PTPRG: variants seen among roughly 807,000 people sequenced by gnomAD.
PTPRG encodes receptor-type tyrosine-protein phosphatase gamma.
PTPRG carries 102 observed loss-of-function variants against 165.3 expected under a neutral mutation model. The observed-to-expected ratio is 0.62, with a 90% confidence interval of 0.53 to 0.73. The LOEUF is 0.73. Ranked by LOEUF, PTPRG falls within the 30% of genes least tolerant of loss-of-function variation. The pLI is 0.00. For missense variants in PTPRG, 1,866 were observed against 1,861.4 expected, an observed-to-expected ratio of 1.00 and a Z score of -0.05; for synonymous variants, 675 against 669.5, an observed-to-expected ratio of 1.01 and a Z score of -0.13.
At chr3:61,952,206 C>A (rs1226026945) in intron 2 of PTPRG, among the ~76,000 whole-genome samples, 1 of 151,506 alleles carries the variant, frequency 6.6e-6, no homozygotes, top group Non-Finnish European at 1.5e-5. Context: ...TTTAGCAAAC[C>A]TGGGGCCCTG....
intron 4 of PTPRG, among the ~76,000 whole-genome samples, chr3:62,058,700 C>T (rs1221447403): frequency 6.6e-6 from 1 of 152,092 alleles, no homozygotes; most frequent in Admixed American, 6.6e-5. Flanking sequence ...CCCAAGTAGG[C>T]AGTAGGGACC....
At chr3:61,695,382 G>A (rs1216030136) in intron 1 of PTPRG, among the ~76,000 whole-genome samples, 1 of 152,184 alleles carries the variant, frequency 6.6e-6, no homozygotes, top group Non-Finnish European at 1.5e-5. Context: ...ATTGGCTTGA[G>A]GCTCCTGATG....
Position 61,746,533 on chromosome 3 carries a change from G to A in PTPRG, c.86-2345G>A, listed in dbSNP as rs941822552. 3.9e-5 allele frequency among the ~76,000 whole-genome samples: 6 copies of A among 152,104 alleles called. No individual in the cohort carries two copies. The South Asian group carries it at 6.2e-4, about 16-fold the overall frequency. ...CAGAATTGATTTTTTGGTCCCCCTG[G>A]CTTTGGTTCTAATTTTAAGGTCCTC... is the stretch of plus-strand genomic sequence containing the variant. On this transcript the variant is annotated intron_variant, in intron 1 of 29. Transcript: ENST00000474889.
chr3:62,261,327 G>C (rs1317706430), intron 16 of PTPRG, among the ~76,000 whole-genome samples: 3 of 152,198 alleles, frequency 2.0e-5, no homozygotes, highest in African/African-American at 4.8e-5. Flanking sequence ...TTATAAGGCA[G>C]TTTCAAAAGG....
chr3:61,929,661 T>G (rs953861344), intron 2 of PTPRG, among the ~76,000 whole-genome samples: 6 of 152,182 alleles, frequency 3.9e-5, no homozygotes, highest in Non-Finnish European at 2.9e-5. Flanking sequence ...ATTTGAAAAA[T>G]GAGCACAGGT....
chr3:62,025,634 TG>T (rs1244368934), intron 4 of PTPRG, among the ~76,000 whole-genome samples: 2 of 152,218 alleles, frequency 1.3e-5, no homozygotes, highest in African/African-American at 2.4e-5. Flanking sequence ...ATTTTTCAAA[TG>T]TTTTTTCCCT....
At chr3:62,084,763 A>G (rs1169104661) in intron 5 of PTPRG, among the ~76,000 whole-genome samples, 1 of 151,690 alleles carries the variant, frequency 6.6e-6, no homozygotes, top group Non-Finnish European at 1.5e-5. Flanking sequence ...CCTTTGACCC[A>G]CTCTGACTTA....
intron 4 of PTPRG, among the ~76,000 whole-genome samples, chr3:62,014,063 G>C (rs756722559): frequency 3.3e-5 from 5 of 152,106 alleles, no homozygotes; most frequent in African/African-American, 1.2e-4. Flanking sequence ...TGAGCGGGAA[G>C]GTTTCAAGCC....
At chr3:62,058,121 T>A (rs17065833) in intron 4 of PTPRG, among the ~76,000 whole-genome samples, 3,709 of 152,204 alleles carry the variant, frequency 0.024, 130 homozygotes, top group African/African-American at 0.085. Flanking sequence ...AGCATGCAAT[T>A]CCCCATGGAT....
chr3:62,069,696 A>G (rs1011590580), intron 4 of PTPRG, among the ~76,000 whole-genome samples: 2 of 149,440 alleles, frequency 1.3e-5, no homozygotes, highest in Admixed American at 6.7e-5. Context: ...ACACACAGAC[A>G]CACGCACACA....
chr3:61,909,433 T>C (rs1226683406), intron 2 of PTPRG, among the ~76,000 whole-genome samples: 1 of 152,180 alleles, frequency 6.6e-6, no homozygotes, highest in African/African-American at 2.4e-5. Flanking sequence ...CACTGCAGCC[T>C]TAACTTCTTG....
Position 62,224,701 on chromosome 3 carries a change from C to T in PTPRG, c.2288+5718C>T, listed in dbSNP as rs565621817. On this transcript the variant is annotated intron_variant, in intron 13 of 29. Coordinates refer to ENST00000474889, the MANE Select transcript of PTPRG (RefSeq NM_002841.4). This position sits in a 1 kb window ranked among gnomAD's most constrained non-coding sequence, Gnocchi z 4.9. ...AAACCATGAGCAGAAACCTCGGATA[C>T]CTGTATGTCTGAGAGACCTCAGACA... 3.9e-5 allele frequency among the ~76,000 whole-genome samples: 6 copies of T among 152,182 alleles called. No individual in the cohort carries two copies. The highest frequency in any genetic ancestry group is 5.9e-5 in the Non-Finnish European group (4 of 68,032).
At chr3:62,081,299 C>A (rs1701571901) in intron 5 of PTPRG, among the ~76,000 whole-genome samples, 8 of 149,844 alleles carry the variant, frequency 5.3e-5, no homozygotes, top group African/African-American at 1.8e-4. Context: ...CAAACAAAAA[C>A]ATAATTTTAC....
intron 4 of PTPRG, among the ~76,000 whole-genome samples, chr3:62,065,272 G>T (rs1418893922): frequency 6.6e-6 from 1 of 152,144 alleles, no homozygotes; most frequent in Non-Finnish European, 1.5e-5. Context: ...TTTTTTAGAG[G>T]TAGTGATTTT....
rs1469887642 is a variant in PTPRG at position 61,576,992 on chromosome 3, TTAAG to T, written c.85+14626_85+14629del. The stretch of plus-strand genomic sequence containing the variant: ...GACACCTTTCTGAATTCTTAGCTAT[TTAAG>T]TAAGTGTTAAGAATGGGCTTGGTGA... On this transcript the variant is annotated intron_variant, in intron 1 of 29. Transcript: ENST00000474889. 2.0e-4 allele frequency among the ~76,000 whole-genome samples: 31 copies of T among 152,202 alleles called. 1 individual carries two copies. Among genetic ancestry groups the T allele is most frequent in the Non-Finnish European group, 1.5e-5 (1 of 68,030 alleles).
chr3:61,791,301 C>T (rs930291877), intron 2 of PTPRG, among the ~76,000 whole-genome samples: 1 of 152,326 alleles, frequency 6.6e-6, no homozygotes, highest in Admixed American at 6.5e-5. Flanking sequence ...TTTAGGCTTA[C>T]TCCCACAGAG....
At chr3:61,606,309 A>G (rs538943997) in intron 1 of PTPRG, among the ~76,000 whole-genome samples, 75 of 152,110 alleles carry the variant, frequency 4.9e-4, no homozygotes, top group Non-Finnish European at 9.7e-4. Flanking sequence ...CACAATGTGG[A>G]TGTTTGCTTC....
chr3:61,860,942 C>T (rs1324335264), intron 2 of PTPRG, among the ~76,000 whole-genome samples: 3 of 152,098 alleles, frequency 2.0e-5, no homozygotes, highest in African/African-American at 7.2e-5. Flanking sequence ...GCAGGGTTGC[C>T]ACAGCCACCC....
intron 5 of PTPRG, among the ~76,000 whole-genome samples, chr3:62,095,714 T>G (rs957358865): frequency 6.6e-6 from 1 of 152,074 alleles, no homozygotes; most frequent in Non-Finnish European, 1.5e-5. Context: ...AAAAAGACAT[T>G]GATTGCTTTG....
Sources: allele counts gnomAD v4.1 joint callset (sites outside exome capture counted in the v4.1 genomes callset), GRCh38; gene constraint gnomAD v4.1.1; non-coding constraint Gnocchi (gnomAD v3.1); transcripts MANE v1.5; gene names NCBI Gene and HGNC (gene_info 2026-07-23, HGNC 2026-07-21).